TACC2: variants seen among roughly 807,000 people sequenced by gnomAD.
TACC2 encodes the protein transforming acidic coiled-coil-containing protein 2.
In TACC2, 137 loss-of-function variants were observed where a neutral mutation model predicts 227.3. The observed-to-expected ratio is 0.60, with a 90% confidence interval of 0.52 to 0.69. TACC2 has a LOEUF of 0.69. TACC2 is among the 30% of genes least tolerant of loss of function. The pLI, the probability that TACC2 is intolerant of heterozygous loss-of-function variation, is 0.00. For synonymous variants in TACC2, 1,523 were observed against 1,487.5 expected, an observed-to-expected ratio of 1.02 and a Z score of -0.55; for missense variants, 3,470 against 3,694.4, an observed-to-expected ratio of 0.94 and a Z score of 1.57.
rs759068587 is a variant in TACC2 at position 122,085,993 on chromosome 10, T to A, written c.3493T>A (p.Cys1165Ser). 3.1e-6 allele frequency: 5 copies of A among 1,614,008 alleles called. No individual in the cohort carries two copies. The highest frequency in any genetic ancestry group is 4.2e-6 in the Non-Finnish European group (5 of 1,180,020). Residue 1165 changes from cysteine to serine, a missense_variant, in exon 4 of 23, where the codon TGC becomes AGC. Physicochemically the swap from Cys to Ser is moderately radical, Grantham distance 112 (BLOSUM62 -1). Transcript: ENST00000369005. The stretch of plus-strand genomic sequence containing the variant: ...TTGTGGCCTCCTTCAGACTGAGCAC[T>A]GCCTTACCTCCGGGGAGGAAGCTTC... ...LSCGLLQTEH[C>S]LTSGEEASTS...
At chr10:122,201,103 T>G (rs2094816172) in intron 8 of TACC2, among the ~76,000 whole-genome samples, 1 of 144,964 alleles carries the variant, frequency 6.9e-6, no homozygotes, top group South Asian at 2.2e-4. Context: ...AGTGGCCACA[T>G]CTACAGTGAG....
Position 122,254,279 on chromosome 10 carries a change from C to T in TACC2, c.*223C>T. The T allele has an allele frequency of 1.7e-6, 1 of 578,408 alleles. No homozygotes were observed. Among genetic ancestry groups the T allele is most frequent in the Non-Finnish European group, 3.2e-6 (1 of 317,140 alleles). The allele number at this position is 578,408 out of a possible 1,614,324, so 35.8% of individuals were successfully genotyped here. On this transcript the variant is annotated 3_prime_UTR_variant, in exon 23 of 23. Transcript: ENST00000369005. ...CCTAGTATAATTCATAGCAAGTTGA[C>T]CTCAGAGTTCCTGTATCAGGGAGAT...
intron 7 of TACC2, among the ~76,000 whole-genome samples, chr10:122,161,193 C>T (rs1197060698): frequency 6.6e-6 from 1 of 152,170 alleles, no homozygotes; most frequent in East Asian, 1.9e-4. Context: ...ACCTCGGCCA[C>T]CCCAAGTGCT....
Position 122,195,124 on chromosome 10 carries a change from C to G in TACC2, c.5919C>G (p.Pro1973=). 1 of 1,613,324 alleles carries G rather than the reference C, an allele frequency of 6.2e-7. No homozygotes were observed. The highest frequency in any genetic ancestry group is 1.1e-5 in the South Asian group (1 of 90,956). The part of the protein sequence containing the change: ...KAPPAPPPPP[P]EVIPEPEVST... The stretch of plus-strand genomic sequence containing the variant: ...CGCCAGCTCCACCCCCACCACCCCC[C>G]GAAGTCATCCCAGAACCCGAGGTCA... Residue 1973 remains proline (P), a synonymous_variant, in exon 8 of 23, where the codon CCC becomes CCG. Transcript: ENST00000369005.
intron 22 of TACC2, among the ~76,000 whole-genome samples, chr10:122,251,858 G>T (rs892170459): frequency 7.2e-5 from 11 of 152,172 alleles, no homozygotes; most frequent in Non-Finnish European, 1.2e-4. Flanking sequence ...TGTTTAAATT[G>T]CATTATCTTA....
intron 7 of TACC2, among the ~76,000 whole-genome samples, chr10:122,189,577 G>A (rs2094337773): frequency 6.6e-6 from 1 of 152,238 alleles, no homozygotes; most frequent in South Asian, 2.1e-4. Context: ...ACTCTGAGGA[G>A]TGGTCCCAAG....
chr10:122,184,416 C>T (rs1329794269), intron 7 of TACC2, among the ~76,000 whole-genome samples: 2 of 152,198 alleles, frequency 1.3e-5, no homozygotes, highest in African/African-American at 4.8e-5. Flanking sequence ...GGCTCCTTCC[C>T]TTAATCCATG....
Position 122,083,341 on chromosome 10 carries a change from C to T in TACC2, c.841C>T (p.Pro281Ser). Reference sequence around the variant, plus strand: ...ACCCATGGCCCCGATCCCACAAGATCCAGCCCCAAGAGCCTCAGACAGAGA... The same window carrying T: ...ACCCATGGCCCCGATCCCACAAGATTCAGCCCCAAGAGCCTCAGACAGAGA... The part of the protein sequence containing the change: ...LKPMAPIPQD[P>S]APRASDRERG... Residue 281 changes from proline to serine, a missense_variant, in exon 4 of 23, where the codon CCA (proline) becomes TCA (serine). This residue lies in a region of TACC2 where 405 missense variants were observed against 389.6 expected (regional missense o/e 1.04). Transcript: ENST00000369005. The T allele has an allele frequency of 1.2e-6, 2 of 1,614,030 alleles. No homozygotes were observed. Among genetic ancestry groups the T allele is most frequent in the Non-Finnish European group, 1.7e-6 (2 of 1,180,030 alleles).
intron 5 of TACC2, among the ~76,000 whole-genome samples, chr10:122,121,676 A>T (rs1565359500): frequency 6.7e-6 from 1 of 149,956 alleles, no homozygotes; most frequent in Non-Finnish European, 1.5e-5. Context: ...GCTGCAAAGC[A>T]TCACATTGTA....
intron 7 of TACC2, among the ~76,000 whole-genome samples, chr10:122,156,385 G>T (rs1386596554): frequency 6.7e-6 from 1 of 150,130 alleles, no homozygotes; most frequent in African/African-American, 2.5e-5. Flanking sequence ...CACCATGCCC[G>T]GCTAATTTTT....
intron 18 of TACC2, among the ~76,000 whole-genome samples, chr10:122,240,639 C>T (rs1384924620): frequency 3.9e-5 from 6 of 152,128 alleles, no homozygotes; most frequent in East Asian, 1.9e-4. Context: ...GCAAGCTCAG[C>T]GGGATCCCAG....
rs536067451 is a variant in TACC2 at position 122,234,009 on chromosome 10, CG to C, written c.8128-3385del. ...GAGCACCAGGCCTGTGTCCATGCAC[CG>C]TGGCCTTGGTCCAGGTGGCTGTCAT... On this transcript the variant is annotated intron_variant, in intron 16 of 22. Transcript: ENST00000369005. 2.6e-5 allele frequency among the ~76,000 whole-genome samples: 4 copies of C among 152,246 alleles called. No homozygotes were observed. In the South Asian group the frequency reaches 8.3e-4, roughly 32 times the overall value.
At position 122,085,463 on chromosome 10, in the gene TACC2, A is replaced by G. The variant is rs1457489734; in HGVS notation, c.2963A>G (p.Gln988Arg). 2 of 1,613,668 alleles carry G rather than the reference A, an allele frequency of 1.2e-6. No individual in the cohort carries two copies. Among genetic ancestry groups the G allele is most frequent in the Non-Finnish European group, 1.7e-6 (2 of 1,180,052 alleles). ...FSRKETCCTG[Q>R]GPNKSQQALA... ...AGAAAGGAAACTTGCTGCACTGGGC[A>G]GGGGCCAAACAAGTCTCAACAGGCA... Residue 988 changes from glutamine to arginine, a missense_variant, in exon 4 of 23, where the codon CAG (glutamine) becomes CGG (arginine). Physicochemically the swap from Gln to Arg is conservative, Grantham distance 43 (BLOSUM62 1). Coordinates refer to ENST00000369005, the MANE Select transcript of TACC2 (RefSeq NM_206862.4).
chr10:122,137,585 A>G (rs1280024877), intron 6 of TACC2, among the ~76,000 whole-genome samples: 1 of 152,204 alleles, frequency 6.6e-6, no homozygotes, highest in Non-Finnish European at 1.5e-5. Flanking sequence ...TCCCACAGTC[A>G]AGAATCCATG....
intron 2 of TACC2, among the ~76,000 whole-genome samples, chr10:122,042,065 C>T (rs980530892): frequency 2.0e-4 from 31 of 152,130 alleles, no homozygotes; most frequent in Admixed American, 2.0e-3. Flanking sequence ...TCTGCCTCAG[C>T]CTCCCGAGTA....
intron 5 of TACC2, among the ~76,000 whole-genome samples, chr10:122,122,304 G>A (rs1412489317): frequency 6.6e-6 from 1 of 152,126 alleles, no homozygotes; most frequent in Non-Finnish European, 1.5e-5. Context: ...GCACTGAGCC[G>A]AGATCGTGCC....
intron 18 of TACC2, among the ~76,000 whole-genome samples, chr10:122,241,174 G>C (rs2095984326): frequency 6.6e-6 from 1 of 152,218 alleles, no homozygotes; most frequent in African/African-American, 2.4e-5. Flanking sequence ...GAAATCGTTG[G>C]TTCTCGCTGA....
intron 1 of TACC2, among the ~76,000 whole-genome samples, chr10:121,999,221 A>G (rs145414510): frequency 5.1e-4 from 77 of 152,120 alleles, no homozygotes; most frequent in East Asian, 4.5e-3. Context: ...TTTGGCCAGG[A>G]TGGTCTCAAT....
In TACC2 at chr10:122,088,506, T is replaced by TTACC. The variant is rs1457646127; in HGVS notation, c.5490_5493dup (p.Ser1832ThrfsTer5). On this transcript the variant is annotated frameshift_variant, in exon 5 of 23. Coordinates refer to ENST00000369005, the MANE Select transcript of TACC2 (RefSeq NM_206862.4). LOFTEE classifies it high-confidence loss of function. ...GAGCCCCAGGCCTGGCCCATCCATG[T>TTACC]TACCTTCGGTTCCTAAGAAGGATGC... 6.2e-7 allele frequency: 1 copy of TTACC among 1,613,584 alleles called. No individual in the cohort carries two copies. Among genetic ancestry groups the TTACC allele is most frequent in the Non-Finnish European group, 8.5e-7 (1 of 1,179,800 alleles).
Sources: allele counts gnomAD v4.1 joint callset (sites outside exome capture counted in the v4.1 genomes callset), GRCh38; gene constraint gnomAD v4.1.1; regional missense constraint gnomAD v4.1.1; transcripts MANE v1.5; gene names NCBI Gene and HGNC (gene_info 2026-07-23, HGNC 2026-07-21).